The following PHOSPHO2 variants were observed in gnomAD, a reference collection of about 807,000 sequenced individuals.
PHOSPHO2 encodes phosphatase, orphan 2, also known as pyridoxal phosphate phosphatase PHOSPHO2.
PHOSPHO2 carries 14 observed loss-of-function variants against 16.4 expected under a neutral mutation model. The ratio of observed to expected loss-of-function variants is 0.85; its 90% CI spans 0.56 to 1.33. The LOEUF (loss-of-function observed/expected upper bound fraction) is 1.33, where lower values mean the gene tolerates loss of function less well. Among genes scored for constraint, PHOSPHO2 ranks in the 40% most tolerant of loss-of-function variants. PHOSPHO2 has a pLI of 0.00. For synonymous variants in PHOSPHO2, 85 were observed against 90.5 expected (o/e 0.94, Z 0.34); for missense variants, 246 against 282.5 (o/e 0.87, Z 0.93).
chr2:169,695,760 C>T (rs1687505532), intron 2 of PHOSPHO2, among the ~76,000 whole-genome samples: 1 of 152,190 alleles, frequency 6.6e-6, no homozygotes. Context: ...GAATTACTCC[C>T]AGCAGTAGCC....
chr2:169,699,180 C>T (rs1192663786), intron 3 of PHOSPHO2, among the ~76,000 whole-genome samples: 1 of 151,580 alleles, frequency 6.6e-6, no homozygotes, highest in African/African-American at 2.4e-5. Flanking sequence ...CTCCCACCCC[C>T]ACCCTCTGAC....
Position 169,700,967 on chromosome 2 carries a change from G to T in PHOSPHO2, c.-5G>T. 6.3e-7 allele frequency: 1 copy of T among 1,583,400 alleles called. No homozygotes were observed. The highest frequency in any genetic ancestry group is 1.2e-5 in the South Asian group (1 of 86,146). On this transcript the variant is annotated 5_prime_UTR_variant, in exon 4 of 4. Transcript: ENST00000359744. ...TCAGGGTAATCCAAATCTATTTCTGGAACCATGAAAATTTTGCTAGTTTTT... is the reference window on the plus strand; with the variant it reads ...TCAGGGTAATCCAAATCTATTTCTGTAACCATGAAAATTTTGCTAGTTTTT...
At chr2:169,694,756 G>T (rs975467626) in intron 1 of PHOSPHO2, 134 bp downstream of exon 1, 28 of 291,568 alleles carry the variant, frequency 9.6e-5, no homozygotes, top group Admixed American at 1.2e-4. Flanking sequence ...GTGAGCGCGC[G>T]AGGCCTAGGC....
Position 169,701,298 on chromosome 2 carries a change from A to T in PHOSPHO2, c.327A>T (p.Leu109Phe). 6.2e-7 allele frequency: 1 copy of T among 1,612,716 alleles called. No homozygotes were observed. Among genetic ancestry groups the T allele is most frequent in the Non-Finnish European group, 8.5e-7 (1 of 1,179,372 alleles). Residue 109 changes from leucine to phenylalanine, a missense_variant, in exon 4 of 4, where the codon TTA becomes TTT. Leu to Phe is a conservative substitution (Grantham distance 22). Transcript: ENST00000359744. ...DSNSVFIDWV[L>F]EAASFHDIFD... ...ATTCGGTCTTCATAGATTGGGTTTT[A>T]GAAGCTGCCAGTTTTCATGACATAT...
chr2:169,700,030 C>T (rs1687694170), intron 3 of PHOSPHO2, among the ~76,000 whole-genome samples: 1 of 152,084 alleles, frequency 6.6e-6, no homozygotes, highest in Admixed American at 6.6e-5. Flanking sequence ...GCAGTGACAT[C>T]GATGCCTTTC....
chr2:169,699,317 TC>T (rs35278819), intron 3 of PHOSPHO2, among the ~76,000 whole-genome samples: 41,112 of 152,092 alleles, frequency 0.27, 5,789 homozygotes, highest in Non-Finnish European at 0.31. Flanking sequence ...GATAATGGCT[TC>T]CAGATCCATC....
chr2:169,701,106 A>G lies in PHOSPHO2; in HGVS notation c.135A>G (p.Thr45=), dbSNP rs1302789068. 1 of 1,614,120 alleles carries G rather than the reference A, an allele frequency of 6.2e-7. No homozygotes were observed. Among genetic ancestry groups the G allele is most frequent in the Non-Finnish European group, 8.5e-7 (1 of 1,179,996 alleles). ...LRDSYRKGFW[T]EFMGRVFKYL... ...ATTCTTATCGAAAAGGATTTTGGAC[A>G]GAATTTATGGGCAGAGTCTTTAAGT... is the stretch of plus-strand genomic sequence containing the variant. Residue 45 remains threonine (T), a synonymous_variant, in exon 4 of 4, where the codon ACA becomes ACG. Coordinates refer to ENST00000359744, the MANE Select transcript of PHOSPHO2 (RefSeq NM_001008489.4).
chr2:169,695,610 C>G (rs1294128835), intron 2 of PHOSPHO2, among the ~76,000 whole-genome samples: 1 of 150,586 alleles, frequency 6.6e-6, no homozygotes, highest in African/African-American at 2.5e-5. Context: ...TGCACTCCAG[C>G]CTGGGCGACA....
intron 3 of PHOSPHO2, among the ~76,000 whole-genome samples, chr2:169,699,960 A>G (rs762279190): frequency 6.6e-6 from 1 of 152,196 alleles, no homozygotes; most frequent in Non-Finnish European, 1.5e-5. Flanking sequence ...GACAGATTTT[A>G]TGGGCAGAGT....
Position 169,701,675 on chromosome 2 carries a change from T to C in PHOSPHO2, c.704T>C (p.Leu235Ser), listed in dbSNP as rs1687762061. The C allele has an allele frequency of 6.5e-7, 1 of 1,550,162 alleles. No homozygotes were observed. Among genetic ancestry groups the C allele is most frequent in the Non-Finnish European group, 8.7e-7 (1 of 1,150,134 alleles). The change falls in exon 4 of 4, where the codon TTA becomes TCA. Residue 235 changes from leucine (L) to serine (S), a missense_variant. Physicochemically the swap from Leu to Ser is moderately radical, Grantham distance 145. Transcript: ENST00000359744. The stretch of plus-strand genomic sequence containing the variant: ...TCAGGTGTTGATATAATTTCTCATT[T>C]ACAATTTCTAATAAAGGATTAATAT... ...WSSGVDIISH[L>S]QFLIKD
At chr2:169,695,159 C>G (rs1420954577) in intron 1 of PHOSPHO2, 56 bp from the exon 2 acceptor site, 1 of 152,154 alleles carries the variant, frequency 6.6e-6, no homozygotes, top group East Asian at 1.9e-4. Context: ...AATGAAAGAA[C>G]AAAAAGATTT....
chr2:169,696,211 G>A (rs1687525683), intron 2 of PHOSPHO2, among the ~76,000 whole-genome samples: 1 of 152,110 alleles, frequency 6.6e-6, no homozygotes, highest in South Asian at 2.1e-4. Context: ...AGAGTTATTT[G>A]TCCTATACCC....
At chr2:169,695,037 G>A (rs1298481999) in intron 1 of PHOSPHO2, among the ~76,000 whole-genome samples, 178 bp from the exon 2 acceptor site, 1 of 152,186 alleles carries the variant, frequency 6.6e-6, no homozygotes, top group East Asian at 1.9e-4. Context: ...AGGAGTAGCT[G>A]CGCGTTTGGT....
At chr2:169,697,572 TACTA>T (rs745338159) in intron 3 of PHOSPHO2, 41 bp downstream of exon 3, 4 of 152,070 alleles carry the variant, frequency 2.6e-5, no homozygotes, top group Non-Finnish European at 4.4e-5. Flanking sequence ...GGTGAGAAAA[TACTA>T]ACAGAAAAAG....
chr2:169,696,112 T>A (rs1213064625), intron 2 of PHOSPHO2, among the ~76,000 whole-genome samples: 1 of 152,194 alleles, frequency 6.6e-6, no homozygotes, highest in Non-Finnish European at 1.5e-5. Context: ...GTCAGTTACT[T>A]GCCAATTTGA....
In PHOSPHO2 at chr2:169,701,241, T is replaced by C; in HGVS notation, c.270T>C (p.Asp90=). ...ELFNFIRKNK[D]KFDCIIISDS... ...TCAACTTTATAAGAAAGAATAAGGA[T>C]AAATTTGACTGCATTATTATTTCAG... Residue 90 remains aspartate (D), a synonymous_variant, in exon 4 of 4, where the codon GAT becomes GAC. Coordinates refer to ENST00000359744, the MANE Select transcript of PHOSPHO2 (RefSeq NM_001008489.4). 1 of 1,613,994 alleles carries C rather than the reference T, an allele frequency of 6.2e-7. No individual in the cohort carries two copies. Among genetic ancestry groups the C allele is most frequent in the Non-Finnish European group, 8.5e-7 (1 of 1,179,970 alleles).
intron 2 of PHOSPHO2, among the ~76,000 whole-genome samples, chr2:169,696,733 A>G (rs1028732158): frequency 6.6e-6 from 1 of 152,194 alleles, no homozygotes; most frequent in Admixed American, 6.5e-5. Flanking sequence ...TCATATTCTT[A>G]ATTTTTGGAG....
At chr2:169,698,890 A>G (rs1387627232) in intron 3 of PHOSPHO2, among the ~76,000 whole-genome samples, 1 of 152,222 alleles carries the variant, frequency 6.6e-6, no homozygotes, top group Non-Finnish European at 1.5e-5. Context: ...CTAGTTTGGA[A>G]GAATTAAATT....
Position 169,694,635 on chromosome 2 carries a change from C to T in PHOSPHO2, c.-231+13C>T. The T allele has an allele frequency of 4.1e-6, 2 of 483,140 alleles. No individual in the cohort carries two copies. The highest frequency in any genetic ancestry group is 7.6e-6 in the Non-Finnish European group (2 of 261,680). The allele number at this position is 483,140 out of a possible 1,614,324, so 29.9% of individuals were successfully genotyped here. The stretch of plus-strand genomic sequence containing the variant: ...ACGGCGGGACTGGGTCAGTGAGAAG[C>T]CCGTGGGCCCCCGCCCTGCCTGCTA... On this transcript the variant is annotated intron_variant, in intron 1 of 3. Transcript: ENST00000359744.
Sources: gnomAD v4.1 joint callset for allele counts (sites outside exome capture counted in the v4.1 genomes callset) on GRCh38, gnomAD v4.1.1 for gene constraint, MANE v1.5 for transcripts, NCBI Gene and HGNC (gene_info 2026-07-23, HGNC 2026-07-21) for gene names.